RTF2: variants seen among roughly 807,000 people sequenced by gnomAD.
RTF2 encodes the protein replication termination factor 2, also known as UPF0549 protein C20orf43.
A neutral mutation model predicts 38.0 loss-of-function variants in RTF2; 18 were observed. The ratio of observed to expected loss-of-function variants is 0.47; its 90% CI spans 0.33 to 0.70. The LOEUF (loss-of-function observed/expected upper bound fraction) is 0.70, where lower values mean the gene tolerates loss of function less well. RTF2 is among the 30% of genes least tolerant of loss of function. RTF2 has a pLI of 0.02. For synonymous variants in RTF2, 126 were observed against 137.1 expected (o/e 0.92, Z 0.57); for missense variants, 311 against 379.6 (o/e 0.82, Z 1.50).
At chr20:56,488,221 C>T (rs1260926978) in intron 5 of RTF2, among the ~76,000 whole-genome samples, 1 of 151,970 alleles carries the variant, frequency 6.6e-6, no homozygotes, top group Non-Finnish European at 1.5e-5. Context: ...ATTAGCTGGG[C>T]TTGGTGGTGC....
chr20:56,484,026 G>T (rs1982655048), intron 4 of RTF2, 85 bp from the exon 5 acceptor site: 2 of 1,097,372 alleles, frequency 1.8e-6, no homozygotes, highest in East Asian at 2.4e-5. Context: ...TAATCTTTGT[G>T]GTTCTTGGCC....
intron 5 of RTF2, among the ~76,000 whole-genome samples, chr20:56,497,834 C>CT (rs1308523947): frequency 6.6e-6 from 1 of 152,208 alleles, no homozygotes; most frequent in African/African-American, 2.4e-5. Context: ...TATCCTCTTT[C>CT]TTTCCATCCA....
Position 56,512,593 on chromosome 20 carries a change from G to A in RTF2, c.478-722G>A, listed in dbSNP as rs749713369. Among the ~76,000 whole-genome samples the A allele has an allele frequency of 7.2e-5, 11 of 152,172 alleles. No individual in the cohort carries two copies. In the East Asian group the frequency reaches 9.6e-4, roughly 13 times the overall value. On this transcript the variant is annotated intron_variant, in intron 5 of 8. Coordinates refer to ENST00000357348, the MANE Select transcript of RTF2 (RefSeq NM_016407.5). The stretch of plus-strand genomic sequence containing the variant: ...TGTCAGGATGGTCTAGACCCTGCTC[G>A]CAGTCTTGTTCTGCCGGGGTGTGTT...
intron 1 of RTF2, among the ~76,000 whole-genome samples, chr20:56,471,271 G>GA (rs1484532283): frequency 2.6e-5 from 4 of 152,124 alleles, no homozygotes; most frequent in Admixed American, 6.5e-5. Context: ...TGAAAGTATA[G>GA]AAAAAACACT....
chr20:56,468,724 C>T lies in RTF2; in HGVS notation c.27C>T (p.Pro9=). 1 of 1,589,940 alleles carries T rather than the reference C, an allele frequency of 6.3e-7. No homozygotes were observed. Among genetic ancestry groups the T allele is most frequent in the Non-Finnish European group, 8.6e-7 (1 of 1,168,320 alleles). The change falls in exon 1 of 9, where the codon CCC becomes CCT. Residue 9 remains proline, a synonymous_variant. Transcript: ENST00000357348. The part of the protein sequence containing the change: MGCDGGTI[P]KRHELVKGPK... ...TGGGTTGCGACGGGGGAACAATCCC[C>T]AAGAGGCATGAACTGGTGAAGGGGC...
intron 5 of RTF2, among the ~76,000 whole-genome samples, chr20:56,505,769 T>A (rs374154712): frequency 4.9e-4 from 75 of 152,252 alleles, no homozygotes; most frequent in South Asian, 1.0e-3. Context: ...CTAGACGAGC[T>A]GAGCCACCCA....
intron 5 of RTF2, among the ~76,000 whole-genome samples, chr20:56,510,097 G>T (rs1161634569): frequency 6.6e-6 from 1 of 152,162 alleles, no homozygotes; most frequent in East Asian, 1.9e-4. Flanking sequence ...TGAGGAAAGG[G>T]GAATGGAGTG....
rs2146388065 is a variant in RTF2, at chr20:56,518,350, G to A, written c.*85G>A. ...GCTTTGTGCCTCTGAGTGCGCTGCT[G>A]TGTGTTCTCTCTATAGTTCTGTGTC... On this transcript the variant is annotated 3_prime_UTR_variant, in exon 9 of 9. Coordinates refer to ENST00000357348, the MANE Select transcript of RTF2 (RefSeq NM_016407.5). The A allele has an allele frequency of 1.5e-6, 2 of 1,320,164 alleles. No homozygotes were observed. The highest frequency in any genetic ancestry group is 1.1e-6 in the Non-Finnish European group (1 of 947,756). The allele number at this position is 1,320,164 out of a possible 1,614,324, so 81.8% of individuals were successfully genotyped here. A position where few individuals can be genotyped will look rare whatever the true frequency, so the allele number is the denominator to read the frequency against.
intron 6 of RTF2, chr20:56,515,856 A>C (rs990851395): frequency 6.6e-6 from 1 of 152,200 alleles, no homozygotes; most frequent in Non-Finnish European, 1.5e-5. Flanking sequence ...AGCTTCTGGG[A>C]ATACCTCATA....
rs146633419 is a variant in RTF2 at position 56,517,955 on chromosome 20, G to C, written c.743-132G>C. 5.3e-5 allele frequency: 43 copies of C among 815,938 alleles called. No individual in the cohort carries two copies. In the Admixed American group the frequency reaches 9.3e-4, roughly 18 times the overall value. 50.5% of individuals were successfully genotyped at this position (815,938 alleles called of 1,614,324 possible). ...TGCTGGAGTTGGCAATTAAGATGACGTCCGCCAGCACTCACACAGCCAGCA... is the reference window on the plus strand; with the variant it reads ...TGCTGGAGTTGGCAATTAAGATGACCTCCGCCAGCACTCACACAGCCAGCA... On this transcript the variant is annotated intron_variant, in intron 8 of 8. Transcript: ENST00000357348.
intron 5 of RTF2, among the ~76,000 whole-genome samples, chr20:56,507,964 G>A (rs527466830): frequency 2.0e-5 from 3 of 152,164 alleles, no homozygotes; most frequent in African/African-American, 4.8e-5. Flanking sequence ...CCTCCTGTAG[G>A]CCCAGCTCTC....
chr20:56,486,672 A>T (rs889927950), intron 5 of RTF2, among the ~76,000 whole-genome samples: 15 of 152,262 alleles, frequency 9.9e-5, no homozygotes, highest in Middle Eastern at 3.4e-3. Flanking sequence ...AATAAATAAA[A>T]AATAAAGTTA....
intron 5 of RTF2, among the ~76,000 whole-genome samples, chr20:56,501,576 C>G (rs1401016309): frequency 6.6e-6 from 1 of 152,174 alleles, no homozygotes; most frequent in Non-Finnish European, 1.5e-5. Context: ...TTGTCTGGAA[C>G]AGACCTATTT....
chr20:56,512,033 G>A (rs1436349933), intron 5 of RTF2, among the ~76,000 whole-genome samples: 1 of 152,082 alleles, frequency 6.6e-6, no homozygotes, highest in African/African-American at 2.4e-5. Context: ...TAGCAGAGAC[G>A]GGGTTTCACC....
At chr20:56,484,606 G>A (rs1377628366) in intron 5 of RTF2, among the ~76,000 whole-genome samples, 1 of 152,138 alleles carries the variant, frequency 6.6e-6, no homozygotes, top group Non-Finnish European at 1.5e-5. Flanking sequence ...CTTCCCCACC[G>A]GACTTAGTTT....
In RTF2 at chr20:56,469,742, C is replaced by T. The variant is rs372878127; in HGVS notation, c.69+976C>T. Reference sequence around the variant, plus strand: ...TCCCATCACATTAAGAATAAAATCTCGTCAGACCCTTGAGCAGACCTTGCC... The same window carrying T: ...TCCCATCACATTAAGAATAAAATCTTGTCAGACCCTTGAGCAGACCTTGCC... On this transcript the variant is annotated intron_variant, in intron 1 of 8. Transcript: ENST00000357348. 1.6e-3 allele frequency among the ~76,000 whole-genome samples: 248 copies of T among 152,116 alleles called. 2 individuals are homozygous for T. Among genetic ancestry groups the T allele is most frequent in the African/African-American group, 5.5e-3 (230 of 41,492 alleles).
At chr20:56,490,597 C>T (rs1444051392) in intron 5 of RTF2, among the ~76,000 whole-genome samples, 1 of 152,194 alleles carries the variant, frequency 6.6e-6, no homozygotes, top group African/African-American at 2.4e-5. Context: ...GGCGGATCAC[C>T]TGAGGTCGGG....
chr20:56,509,844 A>G (rs1984525785), intron 5 of RTF2, among the ~76,000 whole-genome samples: 1 of 152,200 alleles, frequency 6.6e-6, no homozygotes, highest in Non-Finnish European at 1.5e-5. Flanking sequence ...AAAGACTTCC[A>G]TGTGAATTTC....
intron 5 of RTF2, chr20:56,491,378 C>A (rs759113289): frequency 4.6e-5 from 27 of 590,570 alleles, no homozygotes; most frequent in Non-Finnish European, 7.5e-5. Context: ...CTTGTGATTT[C>A]TTTCCCAAAG....
Sources: allele counts gnomAD v4.1 joint callset (sites outside exome capture counted in the v4.1 genomes callset), GRCh38; gene constraint gnomAD v4.1.1; transcripts MANE v1.5; gene names NCBI Gene and HGNC (gene_info 2026-07-23, HGNC 2026-07-21).